NKAIN3: variants seen among roughly 807,000 people sequenced by gnomAD.
NKAIN3 encodes the protein sodium/potassium-transporting ATPase subunit beta-1-interacting protein 3.
Under a neutral mutation model 30.2 loss-of-function variants are expected in NKAIN3, and 25 were observed. The ratio of observed to expected loss-of-function variants is 0.83; its 90% CI spans 0.60 to 1.16. NKAIN3 has a LOEUF of 1.16. Ranked by LOEUF, NKAIN3 falls within the 50% of genes most tolerant of loss-of-function variation. The pLI, the probability that NKAIN3 is intolerant of heterozygous loss-of-function variation, is 0.00. For synonymous variants in NKAIN3, 91 were observed against 89.6 expected (o/e 1.02, Z -0.09); for missense variants, 225 against 254.1 (o/e 0.89, Z 0.78).
chr8:62,664,836 A>C (rs1012728542), intron 3 of NKAIN3, among the ~76,000 whole-genome samples: 6 of 152,202 alleles, frequency 3.9e-5, no homozygotes, highest in African/African-American at 1.2e-4. Context: ...ACTCCAGCTG[A>C]GAAAGAATGC....
chr8:62,813,225 A>G (rs571884096), intron 4 of NKAIN3, among the ~76,000 whole-genome samples: 4 of 152,082 alleles, frequency 2.6e-5, no homozygotes, highest in Admixed American at 6.6e-5. Context: ...TTATACCAGT[A>G]TCATGTGACT....
At position 62,285,020 on chromosome 8, in the gene NKAIN3, ACT is replaced by A. The variant is rs1348711884; in HGVS notation, c.54+35896_54+35897del. 4.6e-5 allele frequency among the ~76,000 whole-genome samples: 7 copies of A among 152,042 alleles called. No individual in the cohort carries two copies. In the East Asian group the frequency reaches 9.7e-4, roughly 21 times the overall value. On this transcript the variant is annotated intron_variant, in intron 1 of 6. Transcript: ENST00000623646. Reference sequence around the variant, plus strand: ...GTGGGTTCAGGAATATACTAGAATGACTCTGTAATTTCATCTCAAATATATTG... The same window carrying A: ...GTGGGTTCAGGAATATACTAGAATGACTGTAATTTCATCTCAAATATATTG...
intron 5 of NKAIN3, among the ~76,000 whole-genome samples, chr8:62,935,639 G>A (rs191977692): frequency 7.9e-5 from 12 of 152,136 alleles, no homozygotes; most frequent in East Asian, 1.9e-4. Context: ...AAAAAAGATC[G>A]ATATACATAG....
At chr8:62,652,305 T>C (rs898574752) in intron 3 of NKAIN3, among the ~76,000 whole-genome samples, 1 of 152,176 alleles carries the variant, frequency 6.6e-6, no homozygotes, top group African/African-American at 2.4e-5. Context: ...ATTATCTCAA[T>C]AACTTTTGGC....
At chr8:62,734,150 G>T (rs1815573413) in intron 3 of NKAIN3, among the ~76,000 whole-genome samples, 1 of 152,072 alleles carries the variant, frequency 6.6e-6, no homozygotes, top group African/African-American at 2.4e-5. Flanking sequence ...AAGTGTGGTG[G>T]TGCACAACCG....
intron 3 of NKAIN3, among the ~76,000 whole-genome samples, chr8:62,725,638 C>T (rs986637905): frequency 3.3e-5 from 5 of 152,036 alleles, no homozygotes; most frequent in African/African-American, 1.2e-4. Flanking sequence ...TTCTTTGCAC[C>T]TTTGTCAAAA....
At position 62,863,610 on chromosome 8, in the gene NKAIN3, C is replaced by T. The variant is rs539295245; in HGVS notation, c.472-54843C>T. The T allele has an allele frequency of 1.0e-5, 12 of 1,188,238 alleles. No homozygotes were observed. In the African/African-American group the frequency reaches 1.4e-4, roughly 13 times the overall value. 73.6% of individuals were successfully genotyped at this position (1,188,238 alleles called of 1,614,324 possible). On this transcript the variant is annotated intron_variant, in intron 4 of 6. Transcript: ENST00000623646. ...TTCATGCCTGAAATCTTGAAGTCAA[C>T]GAGCTGGATCACCATGTCTTTGTTT... is the stretch of plus-strand genomic sequence containing the variant.
At chr8:62,269,799 T>C (rs1812724407) in intron 1 of NKAIN3, among the ~76,000 whole-genome samples, 1 of 152,052 alleles carries the variant, frequency 6.6e-6, no homozygotes, top group Non-Finnish European at 1.5e-5. Flanking sequence ...TTAATGTTGC[T>C]GACATTGTCT....
intron 1 of NKAIN3, among the ~76,000 whole-genome samples, chr8:62,552,639 G>T (rs1809252106): frequency 6.6e-6 from 1 of 152,138 alleles, no homozygotes; most frequent in African/African-American, 2.4e-5. Context: ...TGAAATCTCA[G>T]TTAATGCTCT....
intron 1 of NKAIN3, among the ~76,000 whole-genome samples, chr8:62,296,756 A>G (rs957925271): frequency 6.6e-6 from 1 of 152,152 alleles, no homozygotes; most frequent in Non-Finnish European, 1.5e-5. Flanking sequence ...CAGGATTCCT[A>G]TCTCTAGCCC....
intron 1 of NKAIN3, among the ~76,000 whole-genome samples, chr8:62,321,056 T>G (rs1353762288): frequency 1.3e-5 from 2 of 152,156 alleles, no homozygotes; most frequent in African/African-American, 4.8e-5. Context: ...TTCTCTAAAT[T>G]TCTCTTCTCA....
chr8:62,670,372 C>G (rs942629598), intron 3 of NKAIN3, among the ~76,000 whole-genome samples: 1 of 152,084 alleles, frequency 6.6e-6, no homozygotes, highest in African/African-American at 2.4e-5. Flanking sequence ...ACTCAGTACC[C>G]GTGTCTTGAA....
At chr8:62,853,963 A>G (rs77830046) in intron 4 of NKAIN3, among the ~76,000 whole-genome samples, 3,679 of 152,310 alleles carry the variant, frequency 0.024, 49 homozygotes, top group Non-Finnish European at 0.037. Flanking sequence ...TTTACCCAAA[A>G]GTCATCCAGA....
At chr8:62,749,940 C>T (rs563763186) in intron 4 of NKAIN3, among the ~76,000 whole-genome samples, 4 of 151,902 alleles carry the variant, frequency 2.6e-5, no homozygotes, top group African/African-American at 9.7e-5. Flanking sequence ...CCTCGGTCTC[C>T]GAAAGTGGTA....
chr8:62,909,661 A>G (rs1821877462), intron 4 of NKAIN3, among the ~76,000 whole-genome samples: 1 of 151,896 alleles, frequency 6.6e-6, no homozygotes, highest in Admixed American at 6.6e-5. Context: ...CATGAGGGCA[A>G]CATTATTAAT....
chr8:62,850,028 A>G (rs1027703659), intron 4 of NKAIN3, among the ~76,000 whole-genome samples: 4 of 152,130 alleles, frequency 2.6e-5, no homozygotes, highest in Non-Finnish European at 4.4e-5. Flanking sequence ...AGGAATCACC[A>G]CACTGACTTC....
chr8:62,648,510 A>G (rs956595210), intron 3 of NKAIN3, among the ~76,000 whole-genome samples: 3 of 152,176 alleles, frequency 2.0e-5, no homozygotes, highest in African/African-American at 7.2e-5. Context: ...GATAGAGGAA[A>G]TAGAAAAATA....
At chr8:62,322,264 C>G (rs1035479065) in intron 1 of NKAIN3, among the ~76,000 whole-genome samples, 1 of 152,278 alleles carries the variant, frequency 6.6e-6, no homozygotes, top group Non-Finnish European at 1.5e-5. Flanking sequence ...TTCCGTGACC[C>G]TTTGTGTTTC....
At chr8:62,885,251 C>T (rs761858611) in intron 4 of NKAIN3, among the ~76,000 whole-genome samples, 1 of 152,018 alleles carries the variant, frequency 6.6e-6, no homozygotes, top group South Asian at 2.1e-4. Flanking sequence ...CATGTTATTT[C>T]GAAGGATGTT....
Sources: allele counts gnomAD v4.1 joint callset (sites outside exome capture counted in the v4.1 genomes callset), GRCh38; gene constraint gnomAD v4.1.1; transcripts MANE v1.5; gene names NCBI Gene and HGNC (gene_info 2026-07-23, HGNC 2026-07-21).